TMED3: variants seen among roughly 807,000 people sequenced by gnomAD.
TMED3 encodes transmembrane p24 trafficking protein 3.
Under a neutral mutation model 15.0 loss-of-function variants are expected in TMED3, and 9 were observed. That is an observed-to-expected ratio of 0.60 (90% CI 0.36 to 1.04). The LOEUF (loss-of-function observed/expected upper bound fraction) is 1.04. Ranked by LOEUF, TMED3 falls within the 50% of genes least tolerant of loss-of-function variation. The pLI is 0.01. For missense variants in TMED3, 267 were observed against 278.9 expected (o/e 0.96, Z 0.30); for synonymous variants, 117 against 121.4 (o/e 0.96, Z 0.24).
In TMED3 at chr15:79,311,188, G is replaced by T; in HGVS notation, c.-62G>T. 1 of 1,514,708 alleles carries T rather than the reference G, an allele frequency of 6.6e-7. No individual in the cohort carries two copies. The highest frequency in any genetic ancestry group is 8.8e-7 in the Non-Finnish European group (1 of 1,137,152). 93.8% of individuals were successfully genotyped at this position (1,514,708 alleles called of 1,614,324 possible). On this transcript the variant is annotated 5_prime_UTR_variant, in exon 1 of 3. Transcript: ENST00000299705. ...TCCTAGGACCCGGTCGGTAGTCGTC[G>T]CCCCAGCCCGCCGGGGGCGCAGCGC...
At chr15:79,407,926 T>C (rs1893922420) in intron 2 of TMED3, among the ~76,000 whole-genome samples, 1 of 152,166 alleles carries the variant, frequency 6.6e-6, no homozygotes, top group Admixed American at 6.5e-5. Flanking sequence ...GAGAACCAGA[T>C]TGGTTTTTGT....
chr15:79,337,181 G>A (rs2058830308), intron 2 of TMED3, among the ~76,000 whole-genome samples: 1 of 152,236 alleles, frequency 6.6e-6, no homozygotes, highest in Non-Finnish European at 1.5e-5. Context: ...GAGGCAGGAA[G>A]TCAGAGATCA....
Position 79,311,241 on chromosome 15 carries a change from G to T in TMED3, c.-9G>T. The T allele has an allele frequency of 6.3e-7, 1 of 1,594,208 alleles. No homozygotes were observed. The highest frequency in any genetic ancestry group is 1.1e-5 in the South Asian group (1 of 89,314). ...GAGCCGCGGCCCTCGAGACGGGACC[G>T]AGAGCATCATGGGCAGCACTGTCCC... On this transcript the variant is annotated 5_prime_UTR_variant, in exon 1 of 3. Coordinates refer to ENST00000299705, the MANE Select transcript of TMED3 (RefSeq NM_007364.4).
downstream of TMED3, chr15:79,322,909 G>C: frequency 1.0e-6 from 1 of 984,666 alleles, no homozygotes; most frequent in Non-Finnish European, 1.2e-6. Flanking sequence ...ATGGGTGTGT[G>C]CATAAATAAT....
chr15:79,388,672 C>T (rs562720038), intron 2 of TMED3, among the ~76,000 whole-genome samples: 1 of 152,230 alleles, frequency 6.6e-6, no homozygotes, highest in East Asian at 1.9e-4. Flanking sequence ...AAGTAATCTT[C>T]ACTCTGTTTT....
At chr15:79,378,968 TTGA>T (rs1432461813) in intron 2 of TMED3, among the ~76,000 whole-genome samples, 1 of 152,238 alleles carries the variant, frequency 6.6e-6, no homozygotes, top group African/African-American at 2.4e-5. Flanking sequence ...TCATTATCAG[TTGA>T]TGACGTAATT....
intron 2 of TMED3, among the ~76,000 whole-genome samples, chr15:79,408,659 C>T (rs898720232): frequency 6.6e-6 from 1 of 152,090 alleles, no homozygotes; most frequent in Non-Finnish European, 1.5e-5. Flanking sequence ...GCCAGAAACC[C>T]AGGGTCCAGA....
rs138280887 is a variant in TMED3, at chr15:79,364,448, T to A, written c.418-46952T>A. Among the ~76,000 whole-genome samples, 173 of 152,062 alleles carry A rather than the reference T, an allele frequency of 1.1e-3. 1 individual carries two copies. In the East Asian group the frequency reaches 0.026, roughly 23 times the overall value. Reference sequence around the variant, plus strand: ...ATACGGATAGGAGACAGAGAAATACTGGGTAGAAGAGGTCGGTTCCCCAGC... The same window carrying A: ...ATACGGATAGGAGACAGAGAAATACAGGGTAGAAGAGGTCGGTTCCCCAGC... On this transcript the variant is annotated intron_variant, in intron 2 of 2. Coordinates refer to the TMED3 transcript ENST00000424155.
In TMED3 at chr15:79,352,673, A is replaced by AT. The variant is rs1555422865; in HGVS notation, c.417+38668_417+38669insT. Among the ~76,000 whole-genome samples, 1,326 of 141,736 alleles carry AT rather than the reference A, an allele frequency of 9.4e-3. 11 individuals are homozygous for AT. The highest frequency in any genetic ancestry group is 0.014 in the South Asian group (65 of 4,586). 93.0% of individuals were successfully genotyped at this position (141,736 alleles called of 152,430 possible). Reference sequence around the variant, plus strand: ...CAAGGTCATTAACTAAGAAAAAAAAAATATATATATATATGTAACTGAATA... The same window carrying AT: ...CAAGGTCATTAACTAAGAAAAAAAAATATATATATATATATGTAACTGAATA... On this transcript the variant is annotated intron_variant, in intron 2 of 2. Transcript: ENST00000424155.
intron 2 of TMED3, among the ~76,000 whole-genome samples, chr15:79,341,195 C>CAAAAA (rs58885572): frequency 1.2e-3 from 69 of 58,126 alleles, no homozygotes; most frequent in Non-Finnish European, 1.6e-3. Context: ...GACCCTGTCT[C>CAAAAA]AAAAAAAAAA....
intron 2 of TMED3, among the ~76,000 whole-genome samples, chr15:79,374,443 A>T (rs535541714): frequency 6.6e-6 from 1 of 152,216 alleles, no homozygotes. Context: ...AGAGGAGTCC[A>T]TTCAGTCAGT....
intron 2 of TMED3, among the ~76,000 whole-genome samples, chr15:79,368,935 C>G (rs60249216): frequency 6.6e-6 from 1 of 151,444 alleles, no homozygotes; most frequent in African/African-American, 2.4e-5. Context: ...TAAAAACACA[C>G]GCAAAAAAAA....
Position 79,411,827 on chromosome 15 carries a change from A to G in TMED3, c.*323A>G, listed in dbSNP as rs550502444. 131 of 271,830 alleles carry G rather than the reference A, an allele frequency of 4.8e-4. 1 individual carries two copies. The East Asian group carries it at 9.1e-3, about 19-fold the overall frequency. 16.8% of individuals were successfully genotyped at this position (271,830 alleles called of 1,614,324 possible). A position where few individuals can be genotyped will look rare whatever the true frequency, so the allele number is the denominator to read the frequency against. ...GGTGTGGGAGCATTTGCAATAAAGCATAGCCAGGGACAGCCATCCCTCTAG... is the reference window on the plus strand; with the variant it reads ...GGTGTGGGAGCATTTGCAATAAAGCGTAGCCAGGGACAGCCATCCCTCTAG... On this transcript the variant is annotated 3_prime_UTR_variant, in exon 3 of 3. Coordinates refer to the TMED3 transcript ENST00000424155.
chr15:79,311,472 T>C, intron 1 of TMED3, 55 bp downstream of exon 1: 1 of 1,550,612 alleles, frequency 6.4e-7, no homozygotes, highest in Admixed American at 1.8e-5. Flanking sequence ...AGGTCTCACC[T>C]GGACACTGGC....
chr15:79,367,789 GT>G (rs373296198), intron 2 of TMED3, among the ~76,000 whole-genome samples: 1 of 152,318 alleles, frequency 6.6e-6, no homozygotes, highest in African/African-American at 2.4e-5. Flanking sequence ...TTGCACATTG[GT>G]TTTGCCCTAA....
intron 2 of TMED3, among the ~76,000 whole-genome samples, chr15:79,401,977 A>T (rs55741842): frequency 3.9e-4 from 59 of 152,222 alleles, no homozygotes; most frequent in Admixed American, 4.6e-4. Context: ...GATGGAGGCG[A>T]GGGCAGGGAA....
At chr15:79,385,429 G>C (rs1428925630) in intron 2 of TMED3, among the ~76,000 whole-genome samples, 1 of 152,188 alleles carries the variant, frequency 6.6e-6, no homozygotes, top group Non-Finnish European at 1.5e-5. Context: ...GCTCCACCCA[G>C]TTGCCGGTGG....
At chr15:79,317,579 CAT>C (rs2058746053) in intron 2 of TMED3, among the ~76,000 whole-genome samples, 1 of 150,492 alleles carries the variant, frequency 6.6e-6, no homozygotes, top group Admixed American at 6.6e-5. Context: ...TACATACAAA[CAT>C]GTATGCATAT....
At chr15:79,338,282 C>T (rs1405859214) in intron 2 of TMED3, among the ~76,000 whole-genome samples, 1 of 152,094 alleles carries the variant, frequency 6.6e-6, no homozygotes, top group Non-Finnish European at 1.5e-5. Context: ...GAATGTATAA[C>T]AAAATATTAG....
Sources: gnomAD v4.1 joint callset for allele counts (sites outside exome capture counted in the v4.1 genomes callset) on GRCh38, gnomAD v4.1.1 for gene constraint, MANE v1.5 for transcripts, NCBI Gene and HGNC (gene_info 2026-07-23, HGNC 2026-07-21) for gene names.